The following AFG2A variants were observed in gnomAD, a reference collection of about 807,000 sequenced individuals.
The protein encoded by AFG2A is AAA ATPase AFG2A, also known as ATPase family gene 2 protein homolog A.
chr4:123,276,414 T>C, the AFG2A span, among the ~76,000 whole-genome samples: 1 of 152,224 alleles, frequency 6.6e-6, no homozygotes, highest in African/African-American at 2.4e-5. Flanking sequence ...GCAAATATTT[T>C]CTCCCATTCT....
At chr4:123,229,123 A>G in the AFG2A span, among the ~76,000 whole-genome samples, 2 of 152,148 alleles carry the variant, frequency 1.3e-5, no homozygotes, top group South Asian at 4.1e-4. Context: ...TTTATGTTCA[A>G]TAATTTTAAG....
chr4:122,979,385 A>C, the AFG2A span: 1 of 1,613,794 alleles, frequency 6.2e-7, no homozygotes, highest in South Asian at 1.1e-5. Context: ...GATGTCCCAA[A>C]TGTAAGTCAT....
At chr4:123,261,697 C>T in the AFG2A span, among the ~76,000 whole-genome samples, 2 of 152,072 alleles carry the variant, frequency 1.3e-5, no homozygotes, top group African/African-American at 4.8e-5. Context: ...CCATAATGAC[C>T]ACCCCACCAA....
the AFG2A span, among the ~76,000 whole-genome samples, chr4:123,270,980 G>A: frequency 1.3e-5 from 2 of 152,142 alleles, no homozygotes; most frequent in Admixed American, 1.3e-4. Flanking sequence ...TTCTCTAAGG[G>A]TATTTTTTGT....
the AFG2A span, among the ~76,000 whole-genome samples, chr4:123,060,276 G>A: frequency 6.6e-6 from 1 of 152,202 alleles, no homozygotes; most frequent in Admixed American, 6.5e-5. Flanking sequence ...TTTTCTCACA[G>A]CTCCACTAGG....
the AFG2A span, among the ~76,000 whole-genome samples, chr4:123,161,284 T>C: frequency 6.6e-6 from 1 of 152,148 alleles, no homozygotes; most frequent in Non-Finnish European, 1.5e-5. Flanking sequence ...GGCCTCAAAA[T>C]TAGAACCTAA....
At chr4:123,020,148 T>C in the AFG2A span, among the ~76,000 whole-genome samples, 15 of 152,066 alleles carry the variant, frequency 9.9e-5, no homozygotes, top group Non-Finnish European at 1.3e-4. Context: ...GATCTTAGTC[T>C]GCTTCCTTGT....
At chr4:123,289,694 T>C in the AFG2A span, among the ~76,000 whole-genome samples, 5 of 152,322 alleles carry the variant, frequency 3.3e-5, no homozygotes, top group African/African-American at 1.2e-4. Context: ...TCTGTTTTTG[T>C]TTTTTGTCTT....
At chr4:123,308,385 C>T in the AFG2A span, among the ~76,000 whole-genome samples, 25 of 152,148 alleles carry the variant, frequency 1.6e-4, no homozygotes, top group Non-Finnish European at 2.6e-4. Flanking sequence ...GGCCATGCAC[C>T]GGTACTGGTC....
At chr4:123,198,175 AG>A in the AFG2A span, among the ~76,000 whole-genome samples, 1 of 151,854 alleles carries the variant, frequency 6.6e-6, no homozygotes, top group Non-Finnish European at 1.5e-5. Context: ...AGGCTGAGGC[AG>A]GAGAATCGCT....
chr4:123,020,340 A>G, the AFG2A span, among the ~76,000 whole-genome samples: 1 of 151,546 alleles, frequency 6.6e-6, no homozygotes, highest in Non-Finnish European at 1.5e-5. Flanking sequence ...AAAAATAACA[A>G]TTTTTGAAAA....
At chr4:123,267,842 T>A in the AFG2A span, among the ~76,000 whole-genome samples, 3 of 151,984 alleles carry the variant, frequency 2.0e-5, no homozygotes, top group Non-Finnish European at 2.9e-5. Flanking sequence ...GTGATACATC[T>A]TGAGGAACTC....
the AFG2A span, among the ~76,000 whole-genome samples, chr4:123,219,322 C>G: frequency 6.6e-6 from 1 of 152,196 alleles, no homozygotes; most frequent in South Asian, 2.1e-4. Flanking sequence ...CTTCTCCTGC[C>G]TGTTTTGTTG....
the AFG2A span, among the ~76,000 whole-genome samples, chr4:122,961,631 A>C: frequency 0.81 from 123,332 of 152,124 alleles, 51,747 homozygotes; most frequent in East Asian, 0.96. Flanking sequence ...CAGACTCCTG[A>C]GTAGCTGGGA....
chr4:123,023,359 AAAAT>A, the AFG2A span, among the ~76,000 whole-genome samples: 2 of 152,148 alleles, frequency 1.3e-5, no homozygotes, highest in East Asian at 3.8e-4. Context: ...CCTTGAATCT[AAAAT>A]AAAAGTTCAA....
chr4:123,118,316 A>ATATATTATATATATAAT, the AFG2A span, among the ~76,000 whole-genome samples: 3 of 129,336 alleles, frequency 2.3e-5, no homozygotes, highest in African/African-American at 3.2e-5. Context: ...TATATATAAT[A>ATATATTATATATATAAT]TATATTATAT....
chr4:123,224,872 G>C, the AFG2A span, among the ~76,000 whole-genome samples: 1 of 152,164 alleles, frequency 6.6e-6, no homozygotes, highest in East Asian at 1.9e-4. Context: ...TCCAGCACCT[G>C]TTGTTTCCTG....
chr4:123,103,015 A>G, the AFG2A span, among the ~76,000 whole-genome samples: 37 of 152,140 alleles, frequency 2.4e-4, no homozygotes, highest in Non-Finnish European at 1.5e-4. Context: ...ACCTTCATAC[A>G]TTTTGACTTC....
At chr4:123,148,234 C>A in the AFG2A span, among the ~76,000 whole-genome samples, 1 of 152,124 alleles carries the variant, frequency 6.6e-6, no homozygotes, top group Non-Finnish European at 1.5e-5. Flanking sequence ...TCTCAATTTT[C>A]TTTTTTAAGT....
Sources: allele counts gnomAD v4.1 joint callset (sites outside exome capture counted in the v4.1 genomes callset), GRCh38; gene constraint gnomAD v4.1.1; transcripts MANE v1.5; gene names NCBI Gene and HGNC (gene_info 2026-07-23, HGNC 2026-07-21).